Variants in PHLPP1 observed in about 807,000 individuals in gnomAD.
PHLPP1 encodes PH domain leucine-rich repeat-containing protein phosphatase 1.
Under a neutral mutation model 117.2 loss-of-function variants are expected in PHLPP1, and 42 were observed. The ratio of observed to expected loss-of-function variants is 0.36; its 90% CI spans 0.28 to 0.46. The LOEUF is 0.46. Among genes scored for constraint, PHLPP1 ranks in the 20% least tolerant of loss-of-function variants. PHLPP1 has a pLI of 1.00. For missense variants in PHLPP1, 2,084 were observed against 2,241.9 expected (o/e 0.93, Z 1.42); for synonymous variants, 1,042 against 970.7 (o/e 1.07, Z -1.37).
At chr18:62,833,416 T>G (rs1914806362) in intron 2 of PHLPP1, among the ~76,000 whole-genome samples, 1 of 152,176 alleles carries the variant, frequency 6.6e-6, no homozygotes, top group Admixed American at 6.5e-5. Flanking sequence ...AATTATGAAG[T>G]ATAATAAATT....
At chr18:62,803,534 T>C (rs749073866) in intron 1 of PHLPP1, among the ~76,000 whole-genome samples, 1 of 152,210 alleles carries the variant, frequency 6.6e-6, no homozygotes, top group Non-Finnish European at 1.5e-5. Flanking sequence ...ATGTAGGAGG[T>C]CATTGCTATG....
intron 1 of PHLPP1, among the ~76,000 whole-genome samples, chr18:62,743,079 T>A (rs75127006): frequency 1.2e-4 from 19 of 152,176 alleles, no homozygotes; most frequent in Non-Finnish European, 2.8e-4. Context: ...ATTTTTTTTT[T>A]ACACTTTTTA....
At position 62,979,733 on chromosome 18, in the gene PHLPP1, A is replaced by G; in HGVS notation, c.*302A>G. On this transcript the variant is annotated 3_prime_UTR_variant, in exon 17 of 17. Transcript: ENST00000262719. ...ATATTACAGAGAAACAGTTAATGAT[A>G]ATGTAATATTTTTTAAAATGGCTTT... 1 of 293,820 alleles carries G rather than the reference A, an allele frequency of 3.4e-6. No individual in the cohort carries two copies. Among genetic ancestry groups the G allele is most frequent in the Non-Finnish European group, 6.2e-6 (1 of 160,138 alleles). The allele number at this position is 293,820 out of a possible 1,614,324, so 18.2% of individuals were successfully genotyped here. A position where few individuals can be genotyped will look rare whatever the true frequency, so the allele number is the denominator to read the frequency against.
chr18:62,857,792 A>G (rs1405697850), intron 3 of PHLPP1, among the ~76,000 whole-genome samples: 2 of 152,184 alleles, frequency 1.3e-5, no homozygotes, highest in Admixed American at 6.5e-5. Context: ...ATGTGTACTC[A>G]TTCAGGGCAG....
At chr18:62,734,872 T>C (rs544658264) in intron 1 of PHLPP1, among the ~76,000 whole-genome samples, 72 of 152,280 alleles carry the variant, frequency 4.7e-4, no homozygotes, top group African/African-American at 1.6e-3. Context: ...AGCACCAATG[T>C]AATCAGGAGG....
chr18:62,774,048 G>A (rs1006500764), intron 1 of PHLPP1, among the ~76,000 whole-genome samples: 5 of 152,136 alleles, frequency 3.3e-5, no homozygotes, highest in Admixed American at 6.5e-5. Context: ...TCACATTAGG[G>A]GTTAGTATTT....
At chr18:62,942,029 G>C in intron 11 of PHLPP1, 111 bp downstream of exon 11, 3 of 796,972 alleles carry the variant, frequency 3.8e-6, no homozygotes, top group Non-Finnish European at 2.0e-6. Flanking sequence ...TTGTTTGCTT[G>C]TTCCTGCTCC....
intron 4 of PHLPP1, among the ~76,000 whole-genome samples, chr18:62,869,583 C>T (rs1424415762): frequency 6.6e-6 from 1 of 152,160 alleles, no homozygotes; most frequent in African/African-American, 2.4e-5. Flanking sequence ...CTAAATGGAG[C>T]ACACAATATG....
intron 1 of PHLPP1, 69 bp downstream of exon 1, chr18:62,717,328 C>T (rs1247480165): frequency 1.3e-6 from 2 of 1,511,284 alleles, no homozygotes; most frequent in Non-Finnish European, 1.8e-6. Flanking sequence ...ATTCAAATTG[C>T]TTGTCAGTTT....
intron 4 of PHLPP1, among the ~76,000 whole-genome samples, chr18:62,885,903 T>C (rs1419128912): frequency 6.6e-6 from 1 of 152,190 alleles, no homozygotes; most frequent in African/African-American, 2.4e-5. Context: ...TTGTCTAGAT[T>C]ACAGGGGAAA....
intron 1 of PHLPP1, among the ~76,000 whole-genome samples, chr18:62,758,306 T>G (rs1351628174): frequency 6.6e-6 from 1 of 152,152 alleles, no homozygotes; most frequent in Non-Finnish European, 1.5e-5. Context: ...ATGAAACACC[T>G]AATTCAGGCC....
intron 3 of PHLPP1, among the ~76,000 whole-genome samples, chr18:62,855,170 A>G (rs538656625): frequency 3.8e-4 from 58 of 152,378 alleles, no homozygotes; most frequent in Admixed American, 5.9e-4. Context: ...GGCACTACTT[A>G]AATGTTAACT....
In PHLPP1 at chr18:62,979,264, C is replaced by T. The variant is rs778226621; in HGVS notation, c.4987C>T (p.Gln1663Ter). ...CCCGGCTCAGCCGGATCCTGATGAT[C>T]AGTTTATCATACCCCCGGAGCTGGA... ...AAPAQPDPDD[Q>*]FIIPPELEEE... Residue 1663 changes from glutamine to a stop codon, truncating the protein, a stop_gained, in exon 17 of 17, where the codon CAG (glutamine) becomes TAG (stop). Transcript: ENST00000262719. LOFTEE classifies it high-confidence loss of function. 2 of 1,575,610 alleles carry T rather than the reference C, an allele frequency of 1.3e-6. No individual in the cohort carries two copies. The highest frequency in any genetic ancestry group is 8.6e-7 in the Non-Finnish European group (1 of 1,160,152).
In PHLPP1 at chr18:62,920,056, G is replaced by A; in HGVS notation, c.2902G>A (p.Asp968Asn). 6.2e-7 allele frequency: 1 copy of A among 1,613,604 alleles called. No homozygotes were observed. The highest frequency in any genetic ancestry group is 8.5e-7 in the Non-Finnish European group (1 of 1,179,726). ...AGAAAGAACCTCGGTGGAGGTCTTG[G>A]ATGTGCAACACAACCAGCTCCTTGA... ...RLERTSVEVL[D>N]VQHNQLLELP... The change falls in exon 10 of 17, where the codon GAT becomes AAT. Residue 968 changes from aspartate (D) to asparagine (N), a missense_variant. Asp to Asn is a conservative substitution (Grantham distance 23). This residue lies in a region of PHLPP1 where 1,365 missense variants were observed against 1,605.9 expected (regional missense o/e 0.85). Coordinates refer to ENST00000262719, the MANE Select transcript of PHLPP1 (RefSeq NM_194449.4).
chr18:62,877,263 T>A (rs1916070683), intron 4 of PHLPP1, among the ~76,000 whole-genome samples: 1 of 152,252 alleles, frequency 6.6e-6, no homozygotes. Context: ...TTGAAAGATT[T>A]TAGTTTTTGT....
intron 8 of PHLPP1, among the ~76,000 whole-genome samples, chr18:62,914,063 T>A (rs1270052618): frequency 6.6e-6 from 1 of 152,102 alleles, no homozygotes; most frequent in East Asian, 1.9e-4. Context: ...TTTTTTATAG[T>A]AACTGTAATT....
At chr18:62,926,118 C>G (rs2144433129) in intron 10 of PHLPP1, among the ~76,000 whole-genome samples, 1 of 152,266 alleles carries the variant, frequency 6.6e-6, no homozygotes, top group East Asian at 1.9e-4. Context: ...GTTATTACAT[C>G]AAAATCAACT....
At chr18:62,773,246 G>A (rs1912850349) in intron 1 of PHLPP1, among the ~76,000 whole-genome samples, 1 of 152,116 alleles carries the variant, frequency 6.6e-6, no homozygotes, top group Non-Finnish European at 1.5e-5. Flanking sequence ...TGTTTCACAG[G>A]TTTTAGCTGC....
intron 10 of PHLPP1, among the ~76,000 whole-genome samples, chr18:62,931,602 A>AC (rs1430754854): frequency 6.6e-6 from 1 of 151,290 alleles, no homozygotes; most frequent in African/African-American, 2.4e-5. Flanking sequence ...AGATTAACAA[A>AC]AAAAAAAAAG....
Sources: gnomAD v4.1 joint callset for allele counts (sites outside exome capture counted in the v4.1 genomes callset) on GRCh38, gnomAD v4.1.1 for gene constraint, gnomAD v4.1.1 regional missense constraint, MANE v1.5 for transcripts, NCBI Gene and HGNC (gene_info 2026-07-23, HGNC 2026-07-21) for gene names.